The following PDE10A variants were observed in gnomAD, a reference collection of about 807,000 sequenced individuals.
The protein encoded by PDE10A is cAMP and cAMP-inhibited cGMP 3',5'-cyclic phosphodiesterase 10A.
Under a neutral mutation model 97.7 loss-of-function variants are expected in PDE10A, and 39 were observed. That is an observed-to-expected ratio of 0.40 (90% CI 0.31 to 0.52). PDE10A has a LOEUF of 0.52. Among genes scored for constraint, PDE10A ranks in the 20% least tolerant of loss-of-function variants. The pLI, the probability that PDE10A is intolerant of heterozygous loss-of-function variation, is 0.56. For missense variants in PDE10A, 731 were observed against 1,047.8 expected (o/e 0.70, Z 4.17); for synonymous variants, 371 against 376.8 (o/e 0.98, Z 0.18).
chr6:165,384,826 C>T (rs1055975586), intron 17 of PDE10A, among the ~76,000 whole-genome samples: 1 of 152,100 alleles, frequency 6.6e-6, no homozygotes, highest in Non-Finnish European at 1.5e-5. Flanking sequence ...CTCAGGTTGG[C>T]AAAACTATAA....
chr6:165,652,085 T>C (rs1789713871), intron 1 of PDE10A, among the ~76,000 whole-genome samples: 1 of 152,200 alleles, frequency 6.6e-6, no homozygotes, highest in Non-Finnish European at 1.5e-5. Flanking sequence ...AAAAATTAGA[T>C]ATATTTAACC....
chr6:165,804,770 C>CG (rs1342813450), intron 1 of PDE10A, among the ~76,000 whole-genome samples: 1 of 150,376 alleles, frequency 6.6e-6, no homozygotes. Context: ...GGAGCGGCGG[C>CG]GGGGGACTGG....
chr6:165,347,033 C>T (rs1032554067), intron 18 of PDE10A, among the ~76,000 whole-genome samples: 1 of 151,852 alleles, frequency 6.6e-6, no homozygotes, highest in Admixed American at 6.6e-5. Context: ...AATAAAGTAA[C>T]ACATAGAATT....
intron 1 of PDE10A, among the ~76,000 whole-genome samples, chr6:165,886,734 T>G (rs1005217934): frequency 2.0e-5 from 3 of 152,188 alleles, no homozygotes; most frequent in Non-Finnish European, 1.5e-5. Flanking sequence ...TTTTAAAGTC[T>G]TGTCAGACTG....
intron 1 of PDE10A, chr6:165,947,105 C>A (rs1783796680): frequency 6.6e-6 from 1 of 152,162 alleles, no homozygotes; most frequent in Admixed American, 6.5e-5. Flanking sequence ...ACCACAGCTT[C>A]TTTATCAATG....
intron 1 of PDE10A, among the ~76,000 whole-genome samples, chr6:165,973,518 T>G (rs1259739720): frequency 2.0e-5 from 3 of 152,108 alleles, no homozygotes; most frequent in Non-Finnish European, 2.9e-5. Flanking sequence ...TTGAAGTTAG[T>G]TGAGATTGAC....
chr6:165,614,650 C>T (rs1787643594), intron 1 of PDE10A, among the ~76,000 whole-genome samples: 1 of 152,086 alleles, frequency 6.6e-6, no homozygotes, highest in Non-Finnish European at 1.5e-5. Flanking sequence ...CTCAGGACAC[C>T]AGGACTATCT....
chr6:165,424,996 T>C (rs1036039059), intron 10 of PDE10A, among the ~76,000 whole-genome samples: 1 of 139,940 alleles, frequency 7.1e-6, no homozygotes, highest in Non-Finnish European at 1.6e-5. Context: ...TCAAGGAAAA[T>C]AAATATATTC....
rs1183915229 is a variant in PDE10A at position 165,360,995 on chromosome 6, G to T, written c.2784-17493C>A. On this transcript the variant is annotated intron_variant, in intron 18 of 21. Transcript: ENST00000539869. ...CCCAAAGAACAGGAACAAGAAGAAT[G>T]CCTGCTCTTGCCACTTAAATTCAGC... 2.0e-5 allele frequency among the ~76,000 whole-genome samples: 3 copies of T among 152,182 alleles called. No individual in the cohort carries two copies. The East Asian group carries it at 5.8e-4, about 29-fold the overall frequency.
At chr6:165,791,439 T>G (rs1778646327) in intron 1 of PDE10A, among the ~76,000 whole-genome samples, 1 of 152,152 alleles carries the variant, frequency 6.6e-6, no homozygotes, top group South Asian at 2.1e-4. Flanking sequence ...GATGGACATT[T>G]GGGTTGTCTC....
intron 18 of PDE10A, among the ~76,000 whole-genome samples, chr6:165,354,907 C>G (rs1782928981): frequency 6.6e-6 from 1 of 152,118 alleles, no homozygotes; most frequent in Non-Finnish European, 1.5e-5. Context: ...TTAGGCAATT[C>G]CTTACATAAT....
At chr6:165,845,645 A>G (rs993005201) in intron 1 of PDE10A, among the ~76,000 whole-genome samples, 1 of 152,226 alleles carries the variant, frequency 6.6e-6, no homozygotes, top group African/African-American at 2.4e-5. Context: ...CTTTAAGCAT[A>G]AAGCTTGCTT....
At chr6:165,575,307 C>T (rs1785247780) in intron 1 of PDE10A, among the ~76,000 whole-genome samples, 1 of 152,290 alleles carries the variant, frequency 6.6e-6, no homozygotes, top group East Asian at 1.9e-4. Context: ...CTATACTGAT[C>T]CCACAGCAGC....
chr6:165,373,361 A>C (rs1784393921), intron 18 of PDE10A, among the ~76,000 whole-genome samples: 1 of 152,194 alleles, frequency 6.6e-6, no homozygotes, highest in Non-Finnish European at 1.5e-5. Flanking sequence ...CAGAATCTAC[A>C]ATGAACTCAA....
intron 4 of PDE10A, 99 bp downstream of exon 4, chr6:165,450,143 T>C (rs967813027): frequency 6.7e-6 from 5 of 743,570 alleles, no homozygotes; most frequent in Non-Finnish European, 8.7e-6. Context: ...GAAGTAAATA[T>C]AAATGACTTT....
At chr6:165,588,551 A>G (rs1786061535) in intron 1 of PDE10A, among the ~76,000 whole-genome samples, 2 of 152,128 alleles carry the variant, frequency 1.3e-5, no homozygotes, top group African/African-American at 2.4e-5. Context: ...TTGGCCTAAC[A>G]AAGTGCTGGG....
intron 1 of PDE10A, among the ~76,000 whole-genome samples, chr6:165,811,849 A>AT (rs1366598624): frequency 6.6e-6 from 1 of 151,004 alleles, no homozygotes; most frequent in Non-Finnish European, 1.5e-5. Context: ...AGTGTCTTTT[A>AT]TTTTTTATTT....
At chr6:165,472,360 C>T (rs1015038795) in intron 3 of PDE10A, among the ~76,000 whole-genome samples, 4 of 151,866 alleles carry the variant, frequency 2.6e-5, no homozygotes, top group African/African-American at 9.7e-5. Context: ...CCTATATTTT[C>T]TTTTTTCTGA....
chr6:165,800,086 C>T (rs1198975330), intron 1 of PDE10A, among the ~76,000 whole-genome samples: 1 of 152,222 alleles, frequency 6.6e-6, no homozygotes, highest in Non-Finnish European at 1.5e-5. Flanking sequence ...GTGGCACCTT[C>T]TTTCTGAGCT....
Sources: allele counts gnomAD v4.1 joint callset (sites outside exome capture counted in the v4.1 genomes callset), GRCh38; gene constraint gnomAD v4.1.1; transcripts MANE v1.5; gene names NCBI Gene and HGNC (gene_info 2026-07-23, HGNC 2026-07-21).